BAZ1A: variants seen among roughly 807,000 people sequenced by gnomAD.
BAZ1A encodes the protein bromodomain adjacent to zinc finger domain protein 1A.
In BAZ1A, 50 loss-of-function variants were observed where a neutral mutation model predicts 185.2. The observed-to-expected ratio is 0.27, with a 90% CI of 0.22 to 0.34. The LOEUF is 0.34. Ranked by LOEUF, BAZ1A falls within the 10% of genes least tolerant of loss-of-function variation. The pLI is 1.00. For synonymous variants in BAZ1A, 571 were observed against 615.6 expected (o/e 0.93, Z 1.07); for missense variants, 1,356 against 1,839.9 (o/e 0.74, Z 4.81).
At chr14:34,766,471 A>G (rs975712643) in intron 21 of BAZ1A, among the ~76,000 whole-genome samples, 1 of 152,074 alleles carries the variant, frequency 6.6e-6, no homozygotes, top group Non-Finnish European at 1.5e-5. Flanking sequence ...TTGACAGGAC[A>G]TGAAACCTAG....
intron 24 of BAZ1A, among the ~76,000 whole-genome samples, chr14:34,759,636 GGTAAA>G (rs1450357750): frequency 2.6e-5 from 4 of 151,484 alleles, no homozygotes; most frequent in African/African-American, 9.7e-5. Context: ...AATTCTCACT[GGTAAA>G]GTAAAAGATT....
Position 34,816,110 on chromosome 14 carries a change from T to G in BAZ1A, c.537-5074A>C, listed in dbSNP as rs1036689801. On this transcript the variant is annotated intron_variant, in intron 4 of 26. Transcript: ENST00000360310. ...TTTTTTTTTTTTTTTTTTTTTGAGA[T>G]AGTGTCTCGCTCTGTCACCCAGGCT... Among the ~76,000 whole-genome samples, 2 of 113,976 alleles carry G rather than the reference T, an allele frequency of 1.8e-5. 1 individual carries two copies. Among genetic ancestry groups the G allele is most frequent in the Admixed American group, 2.3e-4 (2 of 8,524 alleles). The allele number at this position is 113,976 out of a possible 152,430, so 74.8% of individuals were successfully genotyped here.
At chr14:34,768,857 A>C in intron 21 of BAZ1A, 1 of 283,666 alleles carries the variant, frequency 3.5e-6, no homozygotes, top group Admixed American at 4.7e-5. Context: ...ATGACTTTAA[A>C]AATAACAGAA....
In BAZ1A at chr14:34,774,318, A is replaced by C. The variant is rs772387695; in HGVS notation, c.2997+9T>G. On this transcript the variant is annotated intron_variant, in intron 19 of 26. Coordinates refer to ENST00000360310, the MANE Select transcript of BAZ1A (RefSeq NM_013448.3). ...ATTAGACAAACTAAAAATGGGAACA[A>C]GTACAAACCTTGATGGCTCCTAATG... 26 of 1,593,874 alleles carry C rather than the reference A, an allele frequency of 1.6e-5. No homozygotes were observed. Among genetic ancestry groups the C allele is most frequent in the Non-Finnish European group, 2.2e-5 (26 of 1,173,642 alleles).
Position 34,795,685 on chromosome 14 carries a change from T to C in BAZ1A, c.1209A>G (p.Glu403=). 6.2e-7 allele frequency: 1 copy of C among 1,611,412 alleles called. No homozygotes were observed. Among genetic ancestry groups the C allele is most frequent in the East Asian group, 2.2e-5 (1 of 44,762 alleles). The change falls in exon 10 of 27, where the codon GAA becomes GAG. Residue 403 remains glutamate (E), a synonymous_variant. Coordinates refer to ENST00000360310, the MANE Select transcript of BAZ1A (RefSeq NM_013448.3). The part of the protein sequence containing the change: ...KQWSKPREDM[E]CDDLKELPEP... ...ATGTTTATACCTTAAGGTCATCACA[T>C]TCCATATCTTCTCTAGGTTTACTCC... is the stretch of plus-strand genomic sequence containing the variant.
intron 24 of BAZ1A, among the ~76,000 whole-genome samples, chr14:34,760,338 C>T (rs1886467943): frequency 6.6e-6 from 1 of 152,104 alleles, no homozygotes; most frequent in Non-Finnish European, 1.5e-5. Flanking sequence ...CTGACTGGTA[C>T]AAAATTAGGA....
intron 25 of BAZ1A, among the ~76,000 whole-genome samples, chr14:34,757,937 T>C (rs867390896): frequency 5.2e-4 from 79 of 150,724 alleles, no homozygotes; most frequent in Admixed American, 8.6e-4. Flanking sequence ...TTAGTAGAGA[T>C]GGGGTTTCAC....
intron 3 of BAZ1A, among the ~76,000 whole-genome samples, chr14:34,846,637 G>A (rs577129835): frequency 5.7e-4 from 86 of 152,164 alleles, no homozygotes; most frequent in East Asian, 4.4e-3. Flanking sequence ...AATTTTTAGC[G>A]TATAAAAAAA....
intron 23 of BAZ1A, 21 bp downstream of exon 23, chr14:34,764,686 T>G: frequency 6.3e-7 from 1 of 1,576,116 alleles, no homozygotes; most frequent in Admixed American, 1.9e-5. Flanking sequence ...CTGACTCATT[T>G]TATTGCATGT....
chr14:34,753,405 T>C lies in BAZ1A; in HGVS notation c.*103A>G, dbSNP rs1594799786. ...TGAGAATATAGTGCAGGCCACACTTTCATGTGGTCAATCAATTGTTATTGC... is the reference window on the plus strand; with the variant it reads ...TGAGAATATAGTGCAGGCCACACTTCCATGTGGTCAATCAATTGTTATTGC... On this transcript the variant is annotated 3_prime_UTR_variant, in exon 27 of 27. Transcript: ENST00000360310. 8.8e-7 allele frequency: 1 copy of C among 1,142,616 alleles called. No homozygotes were observed. The highest frequency in any genetic ancestry group is 1.3e-6 in the Non-Finnish European group (1 of 786,684). 70.8% of individuals were successfully genotyped at this position (1,142,616 alleles called of 1,614,324 possible). A position where few individuals can be genotyped will look rare whatever the true frequency, so the allele number is the denominator to read the frequency against.
At chr14:34,854,404 AGAGT>A (rs1393182049) in intron 3 of BAZ1A, among the ~76,000 whole-genome samples, 6 of 152,198 alleles carry the variant, frequency 3.9e-5, no homozygotes, top group Non-Finnish European at 7.3e-5. Context: ...CCTGGGCGAC[AGAGT>A]GAGACTCCAT....
chr14:34,818,689 C>T (rs1054250509), intron 4 of BAZ1A, among the ~76,000 whole-genome samples: 2 of 152,118 alleles, frequency 1.3e-5, no homozygotes, highest in Non-Finnish European at 2.9e-5. Flanking sequence ...CCACCCAGGA[C>T]ATGAATCTTC....
chr14:34,819,917 A>G (rs1325089722), intron 4 of BAZ1A, among the ~76,000 whole-genome samples: 1 of 152,170 alleles, frequency 6.6e-6, no homozygotes, highest in East Asian at 1.9e-4. Context: ...GTTGCTCCAC[A>G]TGCTCACTAG....
intron 12 of BAZ1A, among the ~76,000 whole-genome samples, chr14:34,790,937 A>T (rs1394910934): frequency 1.3e-5 from 2 of 152,064 alleles, no homozygotes; most frequent in Non-Finnish European, 2.9e-5. Flanking sequence ...AGCCTCACCA[A>T]CATGGAGAAA....
chr14:34,871,191 A>C (rs750570101), intron 2 of BAZ1A, among the ~76,000 whole-genome samples: 3 of 152,242 alleles, frequency 2.0e-5, no homozygotes, highest in Non-Finnish European at 4.4e-5. Flanking sequence ...AGCAAAAATA[A>C]ACAAAATTGT....
chr14:34,774,280 C>G (rs1337177673), intron 19 of BAZ1A, 47 bp downstream of exon 19: 1 of 1,529,352 alleles, frequency 6.5e-7, no homozygotes, highest in Non-Finnish European at 8.8e-7. Flanking sequence ...GACCAAAATT[C>G]TGGACCAAGT....
chr14:34,806,180 C>CT (rs1235521119), intron 6 of BAZ1A, among the ~76,000 whole-genome samples: 2 of 151,880 alleles, frequency 1.3e-5, no homozygotes, highest in Non-Finnish European at 2.9e-5. Flanking sequence ...TAAACTCATT[C>CT]TTTTTTTTAA....
rs374023143 is a variant in BAZ1A at position 34,792,818 on chromosome 14, T to C, written c.1467A>G (p.Glu489=). The change falls in exon 12 of 27, where the codon GAA becomes GAG. Residue 489 remains glutamate, a synonymous_variant. Coordinates refer to ENST00000360310, the MANE Select transcript of BAZ1A (RefSeq NM_013448.3). ...TTAGTTGCTCTTTGGCTACTTCCTCTTCTTCTTCAGCTATTGCCTGGAAGA... is the reference window on the plus strand; with the variant it reads ...TTAGTTGCTCTTTGGCTACTTCCTCCTCTTCTTCAGCTATTGCCTGGAAGA... The part of the protein sequence containing the change: ...TAIFQAIAEE[E]EEVAKEQLTD... 2.5e-6 allele frequency: 4 copies of C among 1,613,882 alleles called. No individual in the cohort carries two copies. In the African/African-American group the frequency reaches 4.0e-5, roughly 16 times the overall value.
chr14:34,762,110 C>A lies in BAZ1A; in HGVS notation c.3890G>T (p.Arg1297Met). The A allele has an allele frequency of 1.2e-6, 2 of 1,614,180 alleles. No individual in the cohort carries two copies. Among genetic ancestry groups the A allele is most frequent in the Middle Eastern group, 1.6e-4 (1 of 6,062 alleles). The change falls in exon 24 of 27, where the codon AGG (arginine) becomes ATG (methionine). Residue 1297 changes from arginine to methionine, a missense_variant. Coordinates refer to ENST00000360310, the MANE Select transcript of BAZ1A (RefSeq NM_013448.3). Reference sequence around the variant, plus strand: ...TGTTTTGGGTGTGCTCTGCTGACTCCTTGAAGGGTATCTTCCAGGTTCTTG... The same window carrying A: ...TGTTTTGGGTGTGCTCTGCTGACTCATTGAAGGGTATCTTCCAGGTTCTTG... ...QQQEPGRYPS[R>M]SQQSTPKTTV...
Sources: gnomAD v4.1 joint callset for allele counts (sites outside exome capture counted in the v4.1 genomes callset) on GRCh38, gnomAD v4.1.1 for gene constraint, MANE v1.5 for transcripts, NCBI Gene and HGNC (gene_info 2026-07-23, HGNC 2026-07-21) for gene names.